Variants in SFSWAP observed in about 807,000 individuals in gnomAD.
SFSWAP encodes the protein splicing factor SWAP, also known as splicing factor, suppressor of white-apricot homolog.
In SFSWAP, 17 loss-of-function variants were observed where a neutral mutation model predicts 100.7. That is an observed-to-expected ratio of 0.17 (90% CI 0.12 to 0.25). SFSWAP has a LOEUF of 0.25. SFSWAP is among the 10% of genes least tolerant of loss of function. The pLI is 1.00. For missense variants in SFSWAP, 1,005 were observed against 1,262.6 expected (o/e 0.80, Z 3.09); for synonymous variants, 504 against 510.1 (o/e 0.99, Z 0.16).
chr12:131,744,636 AACCTCTGCCTGTT>A, intron 7 of SFSWAP, among the ~76,000 whole-genome samples: 1 of 152,302 alleles, frequency 6.6e-6, no homozygotes, highest in Non-Finnish European at 1.5e-5. Context: ...AAACTGTTCT[AACCTCTGCCTGTT>A]ACCCAGTTCC....
At chr12:131,795,243 G>C (rs573574671) in intron 15 of SFSWAP, among the ~76,000 whole-genome samples, 39 of 152,296 alleles carry the variant, frequency 2.6e-4, no homozygotes, top group African/African-American at 9.1e-4. Flanking sequence ...TAAGCTGCCA[G>C]CGAGCACCGT....
At position 131,734,156 on chromosome 12, in the gene SFSWAP, C is replaced by A. The variant is rs2136197987; in HGVS notation, c.1081+5728C>A. Reference sequence around the variant, plus strand: ...TGCTGTGGTGGACGCCAGGTGGCCCCTGGCACAGAGAGCGTGTTCATCGCT... The same window carrying A: ...TGCTGTGGTGGACGCCAGGTGGCCCATGGCACAGAGAGCGTGTTCATCGCT... On this transcript the variant is annotated intron_variant, in intron 7 of 17. Coordinates refer to ENST00000261674, the MANE Select transcript of SFSWAP (RefSeq NM_004592.4). The surrounding 1 kb of genome is among the most constrained non-coding windows in gnomAD (Gnocchi z 4.9). Among the ~76,000 whole-genome samples the A allele has an allele frequency of 6.6e-6, 1 of 152,360 alleles. No homozygotes were observed. The highest frequency in any genetic ancestry group is 1.9e-4 in the East Asian group (1 of 5,184).
chr12:131,732,963 T>C (rs1286462075), intron 7 of SFSWAP, among the ~76,000 whole-genome samples: 1 of 152,192 alleles, frequency 6.6e-6, no homozygotes, highest in Non-Finnish European at 1.5e-5. Flanking sequence ...GCTAGTGTCC[T>C]TGGAGCACGT....
intron 4 of SFSWAP, among the ~76,000 whole-genome samples, chr12:131,721,897 T>C (rs1356894028): frequency 1.3e-5 from 2 of 152,248 alleles, no homozygotes; most frequent in Admixed American, 6.5e-5. Context: ...ATTTGCGTCT[T>C]TCATTTATTT....
chr12:131,716,360 G>A (rs376137995), intron 3 of SFSWAP, among the ~76,000 whole-genome samples: 22 of 152,268 alleles, frequency 1.4e-4, no homozygotes, highest in African/African-American at 5.1e-4. Flanking sequence ...CAGAAGTTAC[G>A]ATGCACTAGA....
Position 131,756,536 on chromosome 12 carries a change from G to A in SFSWAP, c.1612G>A (p.Glu538Lys). Residue 538 changes from glutamate to lysine, a missense_variant, in exon 11 of 18, where the codon GAG (glutamate) becomes AAG (lysine). This residue lies in a region of SFSWAP where 311 missense variants were observed against 317.8 expected (regional missense o/e 0.98). Coordinates refer to ENST00000261674, the MANE Select transcript of SFSWAP (RefSeq NM_004592.4). The part of the protein sequence containing the change: ...SAPEKPSDAG[E>K]DGAPEDAAEV... ...TCCCGAGAAGCCAAGTGATGCTGGG[G>A]AGGATGGCGCGCCTGAAGACGCAGC... 1 of 1,614,126 alleles carries A rather than the reference G, an allele frequency of 6.2e-7. No individual in the cohort carries two copies. Among genetic ancestry groups the A allele is most frequent in the South Asian group, 1.1e-5 (1 of 91,082 alleles).
chr12:131,735,750 G>A (rs11246785), intron 7 of SFSWAP, among the ~76,000 whole-genome samples: 8,264 of 152,266 alleles, frequency 0.054, 318 homozygotes, highest in South Asian at 0.22. Flanking sequence ...AAGTGATGCC[G>A]GGCTTATATT....
chr12:131,798,285 CAGAG>C (rs927882598), intron 16 of SFSWAP, among the ~76,000 whole-genome samples: 11 of 152,136 alleles, frequency 7.2e-5, no homozygotes, highest in African/African-American at 2.2e-4. Flanking sequence ...GCCTGGGTGA[CAGAG>C]AGAGACCCTG....
At chr12:131,712,999 A>C (rs962421845) in intron 1 of SFSWAP, 6 of 152,228 alleles carry the variant, frequency 3.9e-5, no homozygotes, top group African/African-American at 1.4e-4. Context: ...ATCAAAATCC[A>C]ATTAATTTTG....
In SFSWAP at chr12:131,714,641, T is replaced by C. The variant is rs368529701; in HGVS notation, c.389-181T>C. ...GTATTCAGCTGTCTGTGGGTAAACA[T>C]GTACTGACAAAAGTACATAATGATA... On this transcript the variant is annotated intron_variant, in intron 2 of 17. Transcript: ENST00000261674. This position sits in a 1 kb window ranked among gnomAD's most constrained non-coding sequence, Gnocchi z 6.0. 4.9e-6 allele frequency: 3 copies of C among 610,424 alleles called. No homozygotes were observed. Among genetic ancestry groups the C allele is most frequent in the Non-Finnish European group, 5.6e-6 (2 of 354,588 alleles). 37.8% of individuals were successfully genotyped at this position (610,424 alleles called of 1,614,324 possible).
rs372391452 is a variant in SFSWAP, at chr12:131,728,355, C to G, written c.1008C>G (p.Asp336Glu). 3 of 1,614,224 alleles carry G rather than the reference C, an allele frequency of 1.9e-6. No homozygotes were observed. The highest frequency in any genetic ancestry group is 2.5e-6 in the Non-Finnish European group (3 of 1,180,020). Residue 336 changes from aspartate (D) to glutamate (E), a missense_variant, in exon 7 of 18, where the codon GAC becomes GAG. By Grantham distance (45) the Asp-to-Glu change is conservative. Transcript: ENST00000261674. ...LAALVRKAQADSSTPTPHNAD... is the reference protein window; with the variant it reads ...LAALVRKAQAESSTPTPHNAD... The stretch of plus-strand genomic sequence containing the variant: ...CACTTGTTCGTAAGGCACAGGCTGA[C>G]AGTTCCACTCCCACCCCACACAACG...
In SFSWAP at chr12:131,794,313, T is replaced by C. The variant is rs1055972415; in HGVS notation, c.2535-2865T>C. Among the ~76,000 whole-genome samples the C allele has an allele frequency of 1.3e-5, 2 of 150,504 alleles. No homozygotes were observed. The highest frequency in any genetic ancestry group is 2.4e-5 in the African/African-American group (1 of 40,934). On this transcript the variant is annotated intron_variant, in intron 15 of 17. Coordinates refer to ENST00000261674, the MANE Select transcript of SFSWAP (RefSeq NM_004592.4). The surrounding 1 kb of genome is among the most constrained non-coding windows in gnomAD (Gnocchi z 4.8). ...ACTTTGGGAGGCCAAGGCAGGAGGA[T>C]TGCTTGAGCCCAGGATTTGCAGGCT... is the stretch of plus-strand genomic sequence containing the variant.
chr12:131,719,663 G>A, intron 4 of SFSWAP, 124 bp downstream of exon 4: 2 of 739,134 alleles, frequency 2.7e-6, no homozygotes, highest in Middle Eastern at 2.4e-4. Context: ...AAAATGGTTT[G>A]TGAGTTAATG....
intron 7 of SFSWAP, 81 bp from the exon 8 acceptor site, chr12:131,753,042 A>G (rs1040142117): frequency 6.4e-6 from 10 of 1,569,892 alleles, no homozygotes; most frequent in East Asian, 2.3e-5. Context: ...TGCCGGGGGA[A>G]GGGCTCTTGT....
In SFSWAP at chr12:131,787,027, G is replaced by T. The variant is rs1264203103; in HGVS notation, c.2534+439G>T. Among the ~76,000 whole-genome samples, 4 of 152,154 alleles carry T rather than the reference G, an allele frequency of 2.6e-5. No homozygotes were observed. The East Asian group carries it at 5.8e-4, about 22-fold the overall frequency. On this transcript the variant is annotated intron_variant, in intron 15 of 17. Coordinates refer to ENST00000261674, the MANE Select transcript of SFSWAP (RefSeq NM_004592.4). ...GACGGTGACTACGGCCCAGGCTGGA[G>T]CTCCCAGGAGAGGCCACAGAGTCCT... is the stretch of plus-strand genomic sequence containing the variant.
chr12:131,736,597 C>T (rs1229254765), intron 7 of SFSWAP, among the ~76,000 whole-genome samples: 1 of 152,068 alleles, frequency 6.6e-6, no homozygotes, highest in Non-Finnish European at 1.5e-5. Context: ...AACCTGAAAT[C>T]CGTAGTAAAC....
chr12:131,787,751 C>T (rs1040199232), intron 15 of SFSWAP, among the ~76,000 whole-genome samples: 1 of 152,170 alleles, frequency 6.6e-6, no homozygotes, highest in Non-Finnish European at 1.5e-5. Flanking sequence ...TGCCTAGCCA[C>T]AAGGCACACA....
At chr12:131,723,586 G>T (rs946297742) in intron 4 of SFSWAP, among the ~76,000 whole-genome samples, 1 of 152,030 alleles carries the variant, frequency 6.6e-6, no homozygotes, top group East Asian at 1.9e-4. Context: ...CCCTAACCCC[G>T]TGAGGAGAGG....
At chr12:131,735,840 T>G (rs12426142) in intron 7 of SFSWAP, among the ~76,000 whole-genome samples, 27,698 of 152,316 alleles carry the variant, frequency 0.18, 3,164 homozygotes, top group Non-Finnish European at 0.25. Flanking sequence ...TTATCCATCT[T>G]CTCAAAGTAT....
Sources: gnomAD v4.1 joint callset for allele counts (sites outside exome capture counted in the v4.1 genomes callset) on GRCh38, gnomAD v4.1.1 for gene constraint, gnomAD v4.1.1 regional missense constraint, Gnocchi (gnomAD v3.1) non-coding constraint, MANE v1.5 for transcripts, NCBI Gene and HGNC (gene_info 2026-07-23, HGNC 2026-07-21) for gene names.